Variants in GMDS observed in about 807,000 individuals in gnomAD.
The protein encoded by GMDS is GDP-mannose 4,6-dehydratase.
A neutral mutation model predicts 49.9 loss-of-function variants in GMDS; 20 were observed. The ratio of observed to expected loss-of-function variants is 0.40; its 90% CI spans 0.28 to 0.58. GMDS has a LOEUF of 0.58. Ranked by LOEUF, GMDS falls within the 20% of genes least tolerant of loss-of-function variation. The pLI is 0.42. For missense variants in GMDS, 362 were observed against 481.4 expected (o/e 0.75, Z 2.32); for synonymous variants, 177 against 178.6 (o/e 0.99, Z 0.07).
At chr6:1,965,857 AAG>A (rs200655068) in intron 4 of GMDS, among the ~76,000 whole-genome samples, 9 of 152,042 alleles carry the variant, frequency 5.9e-5, no homozygotes, top group East Asian at 3.9e-4. Context: ...TAAAAAAAGA[AAG>A]AGAGAGAGAG....
At chr6:1,639,886 A>G (rs1763274279) in intron 9 of GMDS, among the ~76,000 whole-genome samples, 1 of 152,176 alleles carries the variant, frequency 6.6e-6, no homozygotes, top group Admixed American at 6.5e-5. Flanking sequence ...TCAAAACAAA[A>G]CAAAACAAAA....
At chr6:1,886,495 C>A (rs1187484796) in intron 7 of GMDS, among the ~76,000 whole-genome samples, 2 of 151,998 alleles carry the variant, frequency 1.3e-5, no homozygotes, top group Non-Finnish European at 2.9e-5. Flanking sequence ...TAGCAGCATT[C>A]TCAATAAAAA....
chr6:1,653,075 T>G (rs1763765506), intron 9 of GMDS, among the ~76,000 whole-genome samples: 1 of 151,884 alleles, frequency 6.6e-6, no homozygotes. Flanking sequence ...CTCGGCAGCC[T>G]TGAGGAGCAC....
chr6:1,939,020 C>T (rs1233470168), intron 6 of GMDS, among the ~76,000 whole-genome samples: 1 of 136,206 alleles, frequency 7.3e-6, no homozygotes, highest in African/African-American at 2.8e-5. Flanking sequence ...CTCTCTCTCT[C>T]TCTTTCTTTT....
chr6:1,955,733 T>G (rs1291514723), intron 6 of GMDS, among the ~76,000 whole-genome samples: 1 of 132,962 alleles, frequency 7.5e-6, no homozygotes, highest in African/African-American at 2.8e-5. Context: ...CAAATATATT[T>G]AGAAAGAAAA....
intron 4 of GMDS, among the ~76,000 whole-genome samples, chr6:2,084,321 GCCAC>G (rs1772882316): frequency 6.6e-6 from 1 of 152,006 alleles, no homozygotes; most frequent in Admixed American, 6.6e-5. Context: ...TGAACAAGTG[GCCAC>G]CCCATAAACA....
At chr6:1,999,996 T>TATA (rs1255621997) in intron 4 of GMDS, among the ~76,000 whole-genome samples, 2 of 10,440 alleles carry the variant, frequency 1.9e-4, no homozygotes, top group African/African-American at 2.4e-4. Context: ...TATATATATA[T>TATA]TATATATATA....
intron 4 of GMDS, among the ~76,000 whole-genome samples, chr6:2,011,837 C>T (rs955445044): frequency 2.6e-5 from 4 of 152,176 alleles, no homozygotes; most frequent in African/African-American, 9.7e-5. Context: ...ATGGGAAAAC[C>T]CCTGAGCCTA....
intron 4 of GMDS, among the ~76,000 whole-genome samples, chr6:2,053,995 T>G (rs1387627664): frequency 6.6e-6 from 1 of 152,002 alleles, no homozygotes; most frequent in African/African-American, 2.4e-5. Context: ...CTAATTCCTA[T>G]AAAAACCACA....
At chr6:1,779,198 C>T (rs1441566910) in intron 7 of GMDS, among the ~76,000 whole-genome samples, 1 of 152,198 alleles carries the variant, frequency 6.6e-6, no homozygotes, top group Non-Finnish European at 1.5e-5. Flanking sequence ...CAAGGCTCCA[C>T]TTACTGGAAA....
chr6:1,737,570 CA>C (rs1184551875), intron 8 of GMDS, among the ~76,000 whole-genome samples: 3 of 147,906 alleles, frequency 2.0e-5, no homozygotes, highest in African/African-American at 7.5e-5. Flanking sequence ...ACACACACCA[CA>C]CACACAAAAA....
rs1178060792 is a variant in GMDS, at chr6:1,635,376, C to T, written c.988-10836G>A. On this transcript the variant is annotated intron_variant, in intron 9 of 10. Coordinates refer to ENST00000380815, the MANE Select transcript of GMDS (RefSeq NM_001500.4). This position sits in a 1 kb window ranked among gnomAD's most constrained non-coding sequence, Gnocchi z 4.7. ...GGGTTAAGGCAAGCTGTGTCCACTG[C>T]GCAACCAACATGGCCCACTTTCATC... 6.6e-6 allele frequency among the ~76,000 whole-genome samples: 1 copy of T among 152,192 alleles called. No homozygotes were observed. Among genetic ancestry groups the T allele is most frequent in the Non-Finnish European group, 1.5e-5 (1 of 68,038 alleles).
In GMDS at chr6:1,778,954, A is replaced by G. The variant is rs895687849; in HGVS notation, c.772-36368T>C. Among the ~76,000 whole-genome samples, 3 of 152,134 alleles carry G rather than the reference A, an allele frequency of 2.0e-5. No homozygotes were observed. The highest frequency in any genetic ancestry group is 6.5e-5 in the Admixed American group (1 of 15,282). ...CTTATTGCCGTGTCTGGCCCTTCAAAGGCCTACCCCATCATCTCGCAGTGC... is the reference window on the plus strand; with the variant it reads ...CTTATTGCCGTGTCTGGCCCTTCAAGGGCCTACCCCATCATCTCGCAGTGC... On this transcript the variant is annotated intron_variant, in intron 7 of 10. Coordinates refer to ENST00000380815, the MANE Select transcript of GMDS (RefSeq NM_001500.4). This position sits in a 1 kb window ranked among gnomAD's most constrained non-coding sequence, Gnocchi z 4.6.
chr6:1,858,632 G>A (rs111958604), intron 7 of GMDS, among the ~76,000 whole-genome samples: 234 of 152,060 alleles, frequency 1.5e-3, no homozygotes, highest in African/African-American at 3.5e-3. Context: ...GGAGAGAAAC[G>A]TAATGGAGAA....
chr6:1,656,900 C>T (rs1033515051), intron 9 of GMDS, among the ~76,000 whole-genome samples: 1 of 152,120 alleles, frequency 6.6e-6, no homozygotes, highest in African/African-American at 2.4e-5. Flanking sequence ...TTCAAGCAGC[C>T]TCTTCCCCAG....
At chr6:2,187,746 T>A (rs560128791) in intron 1 of GMDS, among the ~76,000 whole-genome samples, 1 of 152,092 alleles carries the variant, frequency 6.6e-6, no homozygotes, top group Non-Finnish European at 1.5e-5. Flanking sequence ...CAACAGACAA[T>A]AGAAAAATAG....
At chr6:2,076,131 C>A (rs1343336508) in intron 4 of GMDS, among the ~76,000 whole-genome samples, 1 of 152,130 alleles carries the variant, frequency 6.6e-6, no homozygotes, top group East Asian at 1.9e-4. Flanking sequence ...TGTCTGAGTT[C>A]TTTGTAGATT....
chr6:1,888,134 A>ATTTTTTTT (rs56167840), intron 7 of GMDS, among the ~76,000 whole-genome samples: 1 of 140,524 alleles, frequency 7.1e-6, no homozygotes, highest in Non-Finnish European at 1.5e-5. Context: ...TATTATTATT[A>ATTTTTTTT]TTTTTTTTTT....
intron 4 of GMDS, among the ~76,000 whole-genome samples, chr6:2,017,823 A>C (rs1768003409): frequency 6.6e-6 from 1 of 152,116 alleles, no homozygotes; most frequent in Admixed American, 6.5e-5. Context: ...GAAAATGTTA[A>C]GAAAATTGTA....
Sources: allele counts gnomAD v4.1 joint callset (sites outside exome capture counted in the v4.1 genomes callset), GRCh38; gene constraint gnomAD v4.1.1; non-coding constraint Gnocchi (gnomAD v3.1); transcripts MANE v1.5; gene names NCBI Gene and HGNC (gene_info 2026-07-23, HGNC 2026-07-21).